LRRC4C: variants seen among roughly 807,000 people sequenced by gnomAD.
LRRC4C encodes the protein leucine-rich repeat-containing protein 4C.
LRRC4C carries 5 observed loss-of-function variants against 33.6 expected under a neutral mutation model. The observed-to-expected ratio is 0.15, with a 90% confidence interval of 0.08 to 0.31. The LOEUF (loss-of-function observed/expected upper bound fraction) is 0.31. Ranked by LOEUF, LRRC4C falls within the 10% of genes least tolerant of loss-of-function variation. LRRC4C has a pLI of 1.00. For missense variants in LRRC4C, 560 were observed against 796.7 expected, an observed-to-expected ratio of 0.70 and a Z score of 3.58; for synonymous variants, 329 against 302.0, an observed-to-expected ratio of 1.09 and a Z score of -0.93.
At chr11:41,256,935 C>T (rs1250591183) in intron 1 of LRRC4C, among the ~76,000 whole-genome samples, 1 of 151,806 alleles carries the variant, frequency 6.6e-6, no homozygotes, top group African/African-American at 2.4e-5. Context: ...TTTATTATAC[C>T]AAACATGCAA....
At chr11:40,851,181 A>G (rs563574154) in intron 2 of LRRC4C, among the ~76,000 whole-genome samples, 15 of 136,682 alleles carry the variant, frequency 1.1e-4, no homozygotes, top group East Asian at 2.0e-4. Context: ...GGTATGGGGG[A>G]AAAAAAAAAC....
At chr11:41,267,889 G>A (rs1458888407) in intron 1 of LRRC4C, among the ~76,000 whole-genome samples, 2 of 152,060 alleles carry the variant, frequency 1.3e-5, no homozygotes, top group South Asian at 2.1e-4. Context: ...TGTTTAGTAT[G>A]AGGAGTAATA....
chr11:41,297,198 T>C (rs933102218), intron 1 of LRRC4C, among the ~76,000 whole-genome samples: 15 of 152,234 alleles, frequency 9.9e-5, no homozygotes, highest in Non-Finnish European at 1.8e-4. Context: ...TTAATTTGTG[T>C]ATTTTTCAAG....
At chr11:41,089,237 A>G (rs1940225119) in intron 1 of LRRC4C, among the ~76,000 whole-genome samples, 1 of 152,018 alleles carries the variant, frequency 6.6e-6, no homozygotes, top group Non-Finnish European at 1.5e-5. Flanking sequence ...TTATATCCTT[A>G]TATATGGCAT....
At chr11:41,018,773 C>T (rs1458157915) in intron 1 of LRRC4C, among the ~76,000 whole-genome samples, 1 of 152,142 alleles carries the variant, frequency 6.6e-6, no homozygotes, top group Non-Finnish European at 1.5e-5. Context: ...ATGCAGGTGA[C>T]TCTGCGTGGT....
intron 1 of LRRC4C, among the ~76,000 whole-genome samples, chr11:40,981,908 C>T (rs1478198092): frequency 1.3e-5 from 2 of 152,056 alleles, no homozygotes; most frequent in East Asian, 3.9e-4. Context: ...AGTATTTAAA[C>T]AACAAAGCCT....
At chr11:40,568,696 C>T (rs1036579748) in intron 3 of LRRC4C, among the ~76,000 whole-genome samples, 2 of 152,062 alleles carry the variant, frequency 1.3e-5, no homozygotes, top group Non-Finnish European at 2.9e-5. Context: ...TTAATAGTAG[C>T]CCTATCCTGG....
intron 1 of LRRC4C, among the ~76,000 whole-genome samples, chr11:41,354,821 C>T (rs913036653): frequency 3.3e-5 from 5 of 151,816 alleles, no homozygotes; most frequent in Admixed American, 1.3e-4. Context: ...TGAAACTGTA[C>T]TCATTTCACC....
Position 40,480,601 on chromosome 11 carries a change from A to G in LRRC4C, c.-269-160880T>C, listed in dbSNP as rs1953504400. Among the ~76,000 whole-genome samples, 5 of 151,986 alleles carry G rather than the reference A, an allele frequency of 3.3e-5. No individual in the cohort carries two copies. The South Asian group carries it at 1.0e-3, about 31-fold the overall frequency. On this transcript the variant is annotated intron_variant, in intron 3 of 6. Transcript: ENST00000528697. ...ATAATTTACCATATAACAAACCTGC[A>G]CATGTACTCCTGAACCTAAAATAAA...
intron 6 of LRRC4C, among the ~76,000 whole-genome samples, chr11:40,128,333 C>G (rs77927900): frequency 6.8e-4 from 104 of 152,264 alleles, no homozygotes; most frequent in African/African-American, 2.1e-3. Flanking sequence ...TCTGTATTCA[C>G]CTGCAGCCCA....
At chr11:40,234,192 T>G (rs1180145173) in intron 5 of LRRC4C, among the ~76,000 whole-genome samples, 1 of 152,214 alleles carries the variant, frequency 6.6e-6, no homozygotes, top group Non-Finnish European at 1.5e-5. Flanking sequence ...GTTTTTTTTG[T>G]CAGCTAGAAT....
intron 1 of LRRC4C, among the ~76,000 whole-genome samples, chr11:40,975,429 C>G (rs180958239): frequency 1.1e-4 from 16 of 152,294 alleles, no homozygotes; most frequent in Non-Finnish European, 4.4e-5. Flanking sequence ...GATACAATCC[C>G]TGCCTTCTCA....
In LRRC4C at chr11:40,753,340, A is replaced by G. The variant is rs538376643; in HGVS notation, c.-406-105062T>C. On this transcript the variant is annotated intron_variant, in intron 2 of 6. Coordinates refer to ENST00000528697, the MANE Select transcript of LRRC4C (RefSeq NM_001258419.2). Reference sequence around the variant, plus strand: ...CTCAAGGTGATGGATACCCTCAAATACCCTGACATCATTATTGAACAATTT... The same window carrying G: ...CTCAAGGTGATGGATACCCTCAAATGCCCTGACATCATTATTGAACAATTT... 1.1e-4 allele frequency among the ~76,000 whole-genome samples: 17 copies of G among 152,092 alleles called. 1 individual carries two copies. In the South Asian group the frequency reaches 3.3e-3, roughly 30 times the overall value.
chr11:40,551,479 C>A (rs1957125450), intron 3 of LRRC4C, among the ~76,000 whole-genome samples: 1 of 152,028 alleles, frequency 6.6e-6, no homozygotes, highest in Non-Finnish European at 1.5e-5. Context: ...AGGAGTTTTA[C>A]ATGAGTTAAT....
At chr11:41,401,322 A>G (rs1954017132) in intron 1 of LRRC4C, among the ~76,000 whole-genome samples, 2 of 152,002 alleles carry the variant, frequency 1.3e-5, no homozygotes, top group African/African-American at 4.8e-5. Context: ...TGGTTACCAT[A>G]GATTACAGAC....
intron 1 of LRRC4C, among the ~76,000 whole-genome samples, chr11:41,116,879 G>A (rs950451674): frequency 1.3e-5 from 2 of 152,148 alleles, no homozygotes; most frequent in Non-Finnish European, 1.5e-5. Context: ...ATATTGTAAA[G>A]TGTGCATAAA....
rs61036208 is a variant in LRRC4C, at chr11:40,886,436, C to CACACACACAT, written c.-407+47198_-407+47199insATGTGTGTGT. ...ACACACACACACACACACACACACA[C>CACACACACAT]GCACACACTCTCACAAACCTCACAC... On this transcript the variant is annotated intron_variant, in intron 2 of 6. Transcript: ENST00000528697. Among the ~76,000 whole-genome samples, 12 of 151,168 alleles carry CACACACACAT rather than the reference C, an allele frequency of 7.9e-5. No homozygotes were observed. In the East Asian group the frequency reaches 1.6e-3, roughly 20 times the overall value.
At chr11:40,281,719 G>A (rs567861889) in intron 4 of LRRC4C, among the ~76,000 whole-genome samples, 3 of 152,096 alleles carry the variant, frequency 2.0e-5, no homozygotes, top group Admixed American at 1.3e-4. Context: ...TCAGCTGCAC[G>A]GACAATAAGA....
chr11:40,967,556 T>G (rs1851449178), intron 1 of LRRC4C, among the ~76,000 whole-genome samples: 1 of 152,054 alleles, frequency 6.6e-6, no homozygotes, highest in Admixed American at 6.6e-5. Context: ...TGTCATGTTT[T>G]TGTAATTATC....
Sources: allele counts gnomAD v4.1 joint callset (sites outside exome capture counted in the v4.1 genomes callset), GRCh38; gene constraint gnomAD v4.1.1; transcripts MANE v1.5; gene names NCBI Gene and HGNC (gene_info 2026-07-23, HGNC 2026-07-21).